The following ZFP91 variants were observed in gnomAD, a reference collection of about 807,000 sequenced individuals.
The protein encoded by ZFP91 is E3 ubiquitin-protein ligase ZFP91.
In ZFP91, 7 loss-of-function variants were observed where a neutral mutation model predicts 63.5. The ratio of observed to expected loss-of-function variants is 0.11; its 90% CI spans 0.06 to 0.21. The LOEUF is 0.21. ZFP91 is among the 10% of genes least tolerant of loss of function. The pLI is 1.00. For missense variants in ZFP91, 628 were observed against 736.6 expected (o/e 0.85, Z 1.71); for synonymous variants, 330 against 272.1 (o/e 1.21, Z -2.10).
At position 58,616,717 on chromosome 11, in the gene ZFP91, T is replaced by A; in HGVS notation, c.1104T>A (p.Asp368Glu). The change falls in exon 10 of 11, where the codon GAT becomes GAA. Residue 368 changes from aspartate (D) to glutamate (E), a missense_variant and splice_region_variant. By Grantham distance (45) the Asp-to-Glu change is conservative. Around this residue, in one of 3 missense-constraint regions of ZFP91, gnomAD observed 76 missense variants for 230.9 expected, o/e 0.33. Transcript: ENST00000316059. ...QLLRHAKHHT[D>E]QRDYICEYCA... Reference sequence around the variant, plus strand: ...CTAACCACAGTATTTTCTTCATAGATCAAAGGGATTATATCTGTGAATATT... The same window carrying A: ...CTAACCACAGTATTTTCTTCATAGAACAAAGGGATTATATCTGTGAATATT... 6.2e-7 allele frequency: 1 copy of A among 1,613,196 alleles called. No homozygotes were observed. The highest frequency in any genetic ancestry group is 8.5e-7 in the Non-Finnish European group (1 of 1,179,380).
At chr11:58,612,896 G>A in intron 8 of ZFP91, 56 bp downstream of exon 8, 2 of 1,459,248 alleles carry the variant, frequency 1.4e-6, no homozygotes, top group African/African-American at 1.4e-5. Context: ...ACTTGTTCTT[G>A]CACCACGAGA....
In ZFP91 at chr11:58,597,339, T is replaced by A. The variant is rs1855420316; in HGVS notation, c.370+12455T>A. On this transcript the variant is annotated intron_variant, in intron 2 of 10. Coordinates refer to ENST00000316059, the MANE Select transcript of ZFP91 (RefSeq NM_053023.5). ...CTTGTTGCTTACTTCCCCACCTTACTAATATAATAAATGTCTCTTGTGGCA... is the reference window on the plus strand; with the variant it reads ...CTTGTTGCTTACTTCCCCACCTTACAAATATAATAAATGTCTCTTGTGGCA... Among the ~76,000 whole-genome samples, 4 of 152,160 alleles carry A rather than the reference T, an allele frequency of 2.6e-5. No homozygotes were observed. In the South Asian group the frequency reaches 8.3e-4, roughly 32 times the overall value.
chr11:58,589,993 G>T (rs1025490292), intron 2 of ZFP91, among the ~76,000 whole-genome samples: 1 of 152,154 alleles, frequency 6.6e-6, no homozygotes, highest in Non-Finnish European at 1.5e-5. Flanking sequence ...CTTCGACACA[G>T]TTATAAGTTT....
chr11:58,616,955 G>A, intron 10 of ZFP91, 140 bp downstream of exon 10: 1 of 895,140 alleles, frequency 1.1e-6, no homozygotes, highest in East Asian at 2.7e-5. Flanking sequence ...GGGGGCATTA[G>A]TTAGTAGCCT....
chr11:58,611,712 T>C lies in ZFP91; in HGVS notation c.831T>C (p.Ile277=), dbSNP rs1439396118. 6.2e-7 allele frequency: 1 copy of C among 1,611,354 alleles called. No individual in the cohort carries two copies. The highest frequency in any genetic ancestry group is 1.3e-5 in the African/African-American group (1 of 74,734). ...EVEVKEEENE[I]REDEEPPRKR... is the part of the protein sequence containing the mutation. ...AGGTGAAAGAAGAGGAGAATGAAAT[T>C]AGAGAGGATGAGGAACCTCCAAGGA... Residue 277 remains isoleucine, a synonymous_variant, in exon 6 of 11, where the codon ATT becomes ATC. Coordinates refer to ENST00000316059, the MANE Select transcript of ZFP91 (RefSeq NM_053023.5).
chr11:58,585,249 G>T (rs955856153), intron 2 of ZFP91, among the ~76,000 whole-genome samples: 4 of 152,128 alleles, frequency 2.6e-5, no homozygotes, highest in Non-Finnish European at 5.9e-5. Flanking sequence ...AATGCTGAGT[G>T]TTCTAAGAAT....
chr11:58,595,185 A>G (rs1049640590), intron 2 of ZFP91, among the ~76,000 whole-genome samples: 3 of 152,236 alleles, frequency 2.0e-5, no homozygotes, highest in African/African-American at 7.2e-5. Flanking sequence ...GATAAGAATA[A>G]TAAATACTTG....
intron 5 of ZFP91, 32 bp from the exon 6 acceptor site, chr11:58,611,572 T>C (rs1262620100): frequency 1.3e-6 from 2 of 1,596,994 alleles, no homozygotes; most frequent in East Asian, 4.5e-5. Flanking sequence ...AAAGATCTTT[T>C]GTCTAGTATT....
At position 58,619,055 on chromosome 11, in the gene ZFP91, C is replaced by G. The variant is rs1855802567; in HGVS notation, c.*1349C>G. 5.7e-6 allele frequency: 1 copy of G among 174,204 alleles called. No individual in the cohort carries two copies. The highest frequency in any genetic ancestry group is 1.2e-5 in the Non-Finnish European group (1 of 82,394). 10.8% of individuals were successfully genotyped at this position (174,204 alleles called of 1,614,324 possible). On this transcript the variant is annotated 3_prime_UTR_variant, in exon 11 of 11. Coordinates refer to ENST00000316059, the MANE Select transcript of ZFP91 (RefSeq NM_053023.5). ...TTGCTTTATCAGTTCATTCCAGCTC[C>G]CTGTTAGTGAAGGACACTGCTGTTA...
chr11:58,597,519 C>G (rs931254368), intron 2 of ZFP91, among the ~76,000 whole-genome samples: 1 of 152,146 alleles, frequency 6.6e-6, no homozygotes, highest in East Asian at 1.9e-4. Flanking sequence ...AAATCTCTTT[C>G]TGAAATTATC....
intron 2 of ZFP91, among the ~76,000 whole-genome samples, chr11:58,595,649 C>G (rs146628812): frequency 1.6e-4 from 24 of 150,762 alleles, no homozygotes; most frequent in African/African-American, 5.6e-4. Flanking sequence ...GCGATCTCAA[C>G]TCACTGCAAC....
chr11:58,605,368 A>G (rs1000621678), intron 2 of ZFP91, among the ~76,000 whole-genome samples: 1 of 152,212 alleles, frequency 6.6e-6, no homozygotes, highest in African/African-American at 2.4e-5. Flanking sequence ...GCCTCTGTAA[A>G]ATATGCCAGT....
rs1855782838 is a variant in ZFP91 at position 58,618,156 on chromosome 11, C to G, written c.*450C>G. 1 of 157,396 alleles carries G rather than the reference C, an allele frequency of 6.4e-6. No homozygotes were observed. The highest frequency in any genetic ancestry group is 1.4e-5 in the Non-Finnish European group (1 of 71,600). The allele number at this position is 157,396 out of a possible 1,614,324, so 9.7% of individuals were successfully genotyped here. Reference sequence around the variant, plus strand: ...TCTGGCTCCTACCCCCTGCGGCACACTTATCTTCAAATACCATAGAATTCT... The same window carrying G: ...TCTGGCTCCTACCCCCTGCGGCACAGTTATCTTCAAATACCATAGAATTCT... On this transcript the variant is annotated 3_prime_UTR_variant, in exon 11 of 11. Coordinates refer to ENST00000316059, the MANE Select transcript of ZFP91 (RefSeq NM_053023.5).
rs184575756 is a variant in ZFP91 at position 58,604,896 on chromosome 11, G to A, written c.371-4934G>A. Reference sequence around the variant, plus strand: ...AGATTGTAGATTGGTTGTATTTTTTGTTAATCCATTCTGCTAATATGTACC... The same window carrying A: ...AGATTGTAGATTGGTTGTATTTTTTATTAATCCATTCTGCTAATATGTACC... On this transcript the variant is annotated intron_variant, in intron 2 of 10. Coordinates refer to ENST00000316059, the MANE Select transcript of ZFP91 (RefSeq NM_053023.5). Among the ~76,000 whole-genome samples, 131 of 152,226 alleles carry A rather than the reference G, an allele frequency of 8.6e-4. 1 individual carries two copies. Among genetic ancestry groups the A allele is most frequent in the African/African-American group, 3.1e-3 (128 of 41,524 alleles).
chr11:58,581,090 A>T (rs1451363720), intron 1 of ZFP91, among the ~76,000 whole-genome samples: 1 of 152,230 alleles, frequency 6.6e-6, no homozygotes, highest in Non-Finnish European at 1.5e-5. Flanking sequence ...TACAGTGTGT[A>T]AAGTGCTAGA....
intron 2 of ZFP91, among the ~76,000 whole-genome samples, chr11:58,586,964 C>T (rs1227303593): frequency 6.6e-6 from 1 of 152,116 alleles, no homozygotes; most frequent in African/African-American, 2.4e-5. Flanking sequence ...TTTACTCAAA[C>T]CATCTAGAAA....
chr11:58,579,792 C>G (rs1291417278), intron 1 of ZFP91, among the ~76,000 whole-genome samples, 170 bp downstream of exon 1: 1 of 152,070 alleles, frequency 6.6e-6, no homozygotes, highest in African/African-American at 2.4e-5. Flanking sequence ...CTCCTCTCTG[C>G]GCCACCCTCA....
At chr11:58,590,239 C>T (rs908430142) in intron 2 of ZFP91, among the ~76,000 whole-genome samples, 2 of 152,156 alleles carry the variant, frequency 1.3e-5, no homozygotes, top group Admixed American at 1.3e-4. Context: ...TAATATTGCC[C>T]CTTGACTGTT....
intron 2 of ZFP91, among the ~76,000 whole-genome samples, chr11:58,596,761 C>T (rs1855411072): frequency 6.6e-6 from 1 of 151,796 alleles, no homozygotes; most frequent in Non-Finnish European, 1.5e-5. Flanking sequence ...TTGGCTCTGC[C>T]ATAAATCCTG....
Sources: allele counts gnomAD v4.1 joint callset (sites outside exome capture counted in the v4.1 genomes callset), GRCh38; gene constraint gnomAD v4.1.1; regional missense constraint gnomAD v4.1.1; transcripts MANE v1.5; gene names NCBI Gene and HGNC (gene_info 2026-07-23, HGNC 2026-07-21).